ENC1: variants seen among roughly 807,000 people sequenced by gnomAD.
ENC1 encodes the protein ectodermal-neural cortex 1, also known as ectoderm-neural cortex protein 1.
A neutral mutation model predicts 40.9 loss-of-function variants in ENC1; 19 were observed. That is an observed-to-expected ratio of 0.46 (90% CI 0.32 to 0.68). The LOEUF is 0.68. Among genes scored for constraint, ENC1 ranks in the 30% least tolerant of loss-of-function variants. The pLI is 0.03. For missense variants in ENC1, 479 were observed against 737.5 expected (o/e 0.65, Z 4.06); for synonymous variants, 285 against 291.1 (o/e 0.98, Z 0.21).
At position 74,628,615 on chromosome 5, in the gene ENC1, G is replaced by A. The variant is rs1177456723; in HGVS notation, c.*1410C>T. On this transcript the variant is annotated 3_prime_UTR_variant, in exon 3 of 3. Coordinates refer to ENST00000302351, the MANE Select transcript of ENC1 (RefSeq NM_003633.4). ...CCAAATGTGTTACTTGTGCACCAAA[G>A]AGTTTTTTAAAAAGAGATTTGCCTA... 3 of 152,320 alleles carry A rather than the reference G, an allele frequency of 2.0e-5. No homozygotes were observed. The highest frequency in any genetic ancestry group is 7.2e-5 in the African/African-American group (3 of 41,444). 9.4% of individuals were successfully genotyped at this position (152,320 alleles called of 1,614,324 possible).
rs1460275409 is a variant in ENC1 at position 74,636,554 on chromosome 5, A to C, written c.-13-56T>G. The C allele has an allele frequency of 1.0e-6, 1 of 1,000,812 alleles. No individual in the cohort carries two copies. The highest frequency in any genetic ancestry group is 1.5e-6 in the Non-Finnish European group (1 of 683,308). 62.0% of individuals were successfully genotyped at this position (1,000,812 alleles called of 1,614,324 possible). ...TGATGCTCCTGATGTTCAGAACAGCAGAACGAAAGCAACAATGGTTTTGCA... is the reference window on the plus strand; with the variant it reads ...TGATGCTCCTGATGTTCAGAACAGCCGAACGAAAGCAACAATGGTTTTGCA... On this transcript the variant is annotated intron_variant, in intron 1 of 2. Transcript: ENST00000302351. The surrounding 1 kb of genome is among the most constrained non-coding windows in gnomAD (Gnocchi z 4.8).
chr5:74,632,011 A>G (rs758204517), intron 2 of ENC1: 3 of 152,216 alleles, frequency 2.0e-5, no homozygotes, highest in Non-Finnish European at 4.4e-5. Flanking sequence ...ATCACAGGAG[A>G]TTAAAGATCA....
intron 2 of ENC1, among the ~76,000 whole-genome samples, chr5:74,633,703 A>T (rs1182627893): frequency 1.3e-5 from 2 of 152,310 alleles, no homozygotes; most frequent in East Asian, 3.9e-4. Flanking sequence ...GGTGTCATGG[A>T]TGTGAAGCTC....
chr5:74,631,384 T>G (rs763325095), intron 2 of ENC1, among the ~76,000 whole-genome samples: 1 of 152,212 alleles, frequency 6.6e-6, no homozygotes, highest in Non-Finnish European at 1.5e-5. Context: ...AACTTTCTGT[T>G]AAACACTCTA....
At chr5:74,640,069 A>G (rs906873054) in intron 1 of ENC1, 2 of 152,088 alleles carry the variant, frequency 1.3e-5, no homozygotes, top group African/African-American at 2.4e-5. Context: ...CGCCCCAGAC[A>G]TTGCACCGCG....
intron 2 of ENC1, among the ~76,000 whole-genome samples, chr5:74,631,257 G>A (rs535251250): frequency 1.1e-4 from 16 of 152,036 alleles, no homozygotes; most frequent in Admixed American, 5.2e-4. Flanking sequence ...GAGGCCACAC[G>A]GCACCATGAA....
At chr5:74,637,518 A>G (rs1239624384) in intron 1 of ENC1, 2 of 152,182 alleles carry the variant, frequency 1.3e-5, no homozygotes, top group East Asian at 1.9e-4. Flanking sequence ...ACAGCTTCCA[A>G]TGTGAGGATT....
Position 74,634,795 on chromosome 5 carries a change from A to C in ENC1, c.1691T>G (p.Val564Gly). ...CGGGACAGTGGTGATGCTGTTCCAC[A>C]CGTCTAATGTTGGATCGTAGCAGTC... ...TLDCYDPTLD[V>G]WNSITTVPYS... is the part of the protein sequence containing the mutation. Residue 564 changes from valine (V) to glycine (G), a missense_variant, in exon 2 of 3, where the codon GTG becomes GGG. Coordinates refer to ENST00000302351, the MANE Select transcript of ENC1 (RefSeq NM_003633.4). The C allele has an allele frequency of 6.2e-7, 1 of 1,614,102 alleles. No individual in the cohort carries two copies. Among genetic ancestry groups the C allele is most frequent in the Non-Finnish European group, 8.5e-7 (1 of 1,179,942 alleles).
intron 1 of ENC1, among the ~76,000 whole-genome samples, chr5:74,637,941 G>A (rs1237274984): frequency 6.6e-6 from 1 of 152,140 alleles, no homozygotes; most frequent in African/African-American, 2.4e-5. Flanking sequence ...TAGAGACATA[G>A]GAAATGCTTG....
intron 1 of ENC1, chr5:74,637,509 C>G (rs1747645123): frequency 6.6e-6 from 1 of 152,196 alleles, no homozygotes; most frequent in South Asian, 2.1e-4. Context: ...TTGCTCGGGA[C>G]AGCTTCCAAT....
In ENC1 at chr5:74,636,033, G is replaced by A. The variant is rs777457814; in HGVS notation, c.453C>T (p.Gly151=). Residue 151 remains glycine (G), a synonymous_variant, in exon 2 of 3, where the codon GGC becomes GGT. Coordinates refer to ENST00000302351, the MANE Select transcript of ENC1 (RefSeq NM_003633.4). This position sits in a 1 kb window ranked among gnomAD's most constrained non-coding sequence, Gnocchi z 4.8. ...GGTGTGCATCAGACAGCAGCAGCAT[G>A]CCCAGGCAGTTGGTGGGATGCAGGT... ...EKNLHPTNCL[G]MLLLSDAHQC... is the part of the protein sequence containing the mutation. 3.3e-5 allele frequency: 53 copies of A among 1,614,108 alleles called. No homozygotes were observed. The South Asian group carries it at 5.7e-4, about 17-fold the overall frequency.
intron 2 of ENC1, among the ~76,000 whole-genome samples, chr5:74,633,981 G>A (rs188410682): frequency 6.6e-6 from 1 of 152,316 alleles, no homozygotes; most frequent in Non-Finnish European, 1.5e-5. Context: ...ATAAACATTA[G>A]CTGGCATACT....
rs1326941380 is a variant in ENC1, at chr5:74,636,029, G to C, written c.457C>G (p.Leu153Val). 6.2e-7 allele frequency: 1 copy of C among 1,614,154 alleles called. No individual in the cohort carries two copies. The highest frequency in any genetic ancestry group is 1.1e-5 in the South Asian group (1 of 91,088). Residue 153 changes from leucine to valine, a missense_variant, in exon 2 of 3, where the codon CTG (leucine) becomes GTG (valine). Transcript: ENST00000302351. This position sits in a 1 kb window ranked among gnomAD's most constrained non-coding sequence, Gnocchi z 4.8. ...NLHPTNCLGM[L>V]LLSDAHQCTK... ...CACTGGTGTGCATCAGACAGCAGCA[G>C]CATGCCCAGGCAGTTGGTGGGATGC...
chr5:74,630,112 TGG>T (rs1747342802), intron 2 of ENC1, 120 bp from the exon 3 acceptor site: 5 of 152,208 alleles, frequency 3.3e-5, no homozygotes, highest in Non-Finnish European at 7.3e-5. Context: ...AAACTTGGTA[TGG>T]AGCTGGACAA....
intron 2 of ENC1, among the ~76,000 whole-genome samples, chr5:74,632,427 A>C (rs887739229): frequency 6.6e-6 from 1 of 152,264 alleles, no homozygotes; most frequent in Non-Finnish European, 1.5e-5. Flanking sequence ...CTATTAGCCC[A>C]GTTGCTCCCC....
chr5:74,634,394 A>T (rs890457355), intron 2 of ENC1, among the ~76,000 whole-genome samples: 2 of 152,140 alleles, frequency 1.3e-5, no homozygotes, highest in Non-Finnish European at 2.9e-5. Flanking sequence ...CCTGGGTGAC[A>T]GAGCGAGACT....
At chr5:74,633,147 A>G (rs1747449973) in intron 2 of ENC1, among the ~76,000 whole-genome samples, 1 of 152,222 alleles carries the variant, frequency 6.6e-6, no homozygotes, top group Non-Finnish European at 1.5e-5. Flanking sequence ...ATGAATCACC[A>G]AAACAAGTCA....
In ENC1 at chr5:74,635,089, T is replaced by C. The variant is rs1747528698; in HGVS notation, c.1397A>G (p.Asp466Gly). 1 of 1,614,098 alleles carries C rather than the reference T, an allele frequency of 6.2e-7. No homozygotes were observed. Among genetic ancestry groups the C allele is most frequent in the South Asian group, 1.1e-5 (1 of 91,088 alleles). Residue 466 changes from aspartate to glycine, a missense_variant, in exon 2 of 3, where the codon GAT (aspartate) becomes GGT (glycine). Asp to Gly is a moderately conservative substitution (Grantham distance 94). Coordinates refer to ENST00000302351, the MANE Select transcript of ENC1 (RefSeq NM_003633.4). This position sits in a 1 kb window ranked among gnomAD's most constrained non-coding sequence, Gnocchi z 5.5. The part of the protein sequence containing the change: ...HDKLPKVQCY[D>G]QCENRWTVPA... ...TACAGTCCACCTGTTTTCACACTGA[T>C]CGTAACACTGAACTTTGGGGAGCTT...
rs764284712 is a variant in ENC1, at chr5:74,636,129, C to G, written c.357G>C (p.Ser119=). The G allele has an allele frequency of 6.2e-7, 1 of 1,614,126 alleles. No individual in the cohort carries two copies. Among genetic ancestry groups the G allele is most frequent in the Middle Eastern group, 1.6e-4 (1 of 6,062 alleles). The change falls in exon 2 of 3, where the codon TCG becomes TCC. Residue 119 remains serine, a synonymous_variant. Coordinates refer to ENST00000302351, the MANE Select transcript of ENC1 (RefSeq NM_003633.4). This position sits in a 1 kb window ranked among gnomAD's most constrained non-coding sequence, Gnocchi z 4.8. ...RVIINEENAE[S]LLEAGDMLEF... ...CCAGCATGTCACCAGCTTCCAGGAG[C>G]GATTCTGCATTTTCTTCATTGATGA...
Sources: gnomAD v4.1 joint callset for allele counts (sites outside exome capture counted in the v4.1 genomes callset) on GRCh38, gnomAD v4.1.1 for gene constraint, Gnocchi (gnomAD v3.1) non-coding constraint, MANE v1.5 for transcripts, NCBI Gene and HGNC (gene_info 2026-07-23, HGNC 2026-07-21) for gene names.